CACNA1A: variants seen among roughly 807,000 people sequenced by gnomAD.
CACNA1A encodes the protein calcium voltage-gated channel subunit alpha1 A.
Under a neutral mutation model 262.4 loss-of-function variants are expected in CACNA1A, and 57 were observed. That is an observed-to-expected ratio of 0.22 (90% CI 0.18 to 0.27). The LOEUF (loss-of-function observed/expected upper bound fraction) is 0.27, where lower values mean the gene tolerates loss of function less well. Among genes scored for constraint, CACNA1A ranks in the 10% least tolerant of loss-of-function variants. CACNA1A has a pLI of 1.00. For missense variants in CACNA1A, 2,526 were observed against 3,562.8 expected, an observed-to-expected ratio of 0.71 and a Z score of 7.41; for synonymous variants, 1,431 against 1,419.3, an observed-to-expected ratio of 1.01 and a Z score of -0.18.
At chr19:13,453,624 G>A (rs567223215) in intron 2 of CACNA1A, among the ~76,000 whole-genome samples, 113 of 152,348 alleles carry the variant, frequency 7.4e-4, no homozygotes, top group African/African-American at 2.6e-3. Context: ...TGGCTGATAA[G>A]TGGCCAGTAT....
intron 2 of CACNA1A, 110 bp downstream of exon 2, chr19:13,454,997 T>C: frequency 1.6e-6 from 1 of 623,290 alleles, no homozygotes; most frequent in Non-Finnish European, 2.9e-6. Context: ...TCCCATGATC[T>C]GGCTCTGGGC....
intron 4 of CACNA1A, among the ~76,000 whole-genome samples, chr19:13,367,294 C>CAAAAA (rs71168702): frequency 3.1e-5 from 2 of 64,784 alleles, no homozygotes; most frequent in African/African-American, 7.0e-5. Flanking sequence ...GACTCTGTCT[C>CAAAAA]AAAAAAAAAA....
rs781776419 is a variant in CACNA1A, at chr19:13,212,586, C to G, written c.6050+45G>C. 6.6e-7 allele frequency: 1 copy of G among 1,510,260 alleles called. No individual in the cohort carries two copies. Among genetic ancestry groups the G allele is most frequent in the South Asian group, 1.3e-5 (1 of 76,726 alleles). 93.6% of individuals were successfully genotyped at this position (1,510,260 alleles called of 1,614,324 possible). ...TGGGCAGCTTCCAGAACGTGGGGAC[C>G]ACGGCACCCCCACACTCCACCTCCC... On this transcript the variant is annotated intron_variant, in intron 41 of 46. Coordinates refer to ENST00000360228, the MANE Select transcript of CACNA1A (RefSeq NM_001127222.2). This position sits in a 1 kb window ranked among gnomAD's most constrained non-coding sequence, Gnocchi z 5.6.
In CACNA1A at chr19:13,210,640, G is replaced by T; in HGVS notation, c.6316C>A (p.Arg2106=). 6.4e-7 allele frequency: 1 copy of T among 1,565,044 alleles called. No homozygotes were observed. Among genetic ancestry groups the T allele is most frequent in the Admixed American group, 1.9e-5 (1 of 52,864 alleles). ...ACACTGAGGTTATTCCCACGTGGCC[G>T]GCCCCTTCTCCTCTGTCACAGCCCC... ...LPAENQRRRG[R]PRGNNLSTIS... The change falls in exon 44 of 47, where the codon CGG becomes AGG. Residue 2106 remains arginine (R), a synonymous_variant. Coordinates refer to ENST00000360228, the MANE Select transcript of CACNA1A (RefSeq NM_001127222.2).
chr19:13,313,522 G>GCAA (rs1224291363), intron 11 of CACNA1A, among the ~76,000 whole-genome samples: 3 of 82,600 alleles, frequency 3.6e-5, no homozygotes, highest in Admixed American at 3.6e-4. Flanking sequence ...AAAAAAAAAA[G>GCAA]CAACAATTAT....
chr19:13,207,072 T>G lies in CACNA1A; in HGVS notation c.*241A>C. 7 of 259,738 alleles carry G rather than the reference T, an allele frequency of 2.7e-5. No homozygotes were observed. Among genetic ancestry groups the G allele is most frequent in the South Asian group, 6.1e-5 (1 of 16,470 alleles). The allele number at this position is 259,738 out of a possible 1,614,324, so 16.1% of individuals were successfully genotyped here. A position where few individuals can be genotyped will look rare whatever the true frequency, so the allele number is the denominator to read the frequency against. On this transcript the variant is annotated 3_prime_UTR_variant, in exon 47 of 47. Coordinates refer to ENST00000360228, the MANE Select transcript of CACNA1A (RefSeq NM_001127222.2). This position sits in a 1 kb window ranked among gnomAD's most constrained non-coding sequence, Gnocchi z 5.7. The stretch of plus-strand genomic sequence containing the variant: ...GCCTCCCACCCGAGAGCCCCTGTCG[T>G]GGGTGGGGGGATCGGGGCTGGTTGG...
intron 1 of CACNA1A, among the ~76,000 whole-genome samples, chr19:13,504,812 A>T (rs1023436812): frequency 1.3e-5 from 2 of 151,404 alleles, no homozygotes; most frequent in African/African-American, 4.9e-5. Context: ...CTAATTACCC[A>T]CCCTTGCCTG....
chr19:13,298,457 T>C (rs1236293903), intron 19 of CACNA1A, 87 bp downstream of exon 19: 1 of 1,245,666 alleles, frequency 8.0e-7, no homozygotes. Context: ...TATATTTTTA[T>C]AAACAAATAC....
chr19:13,406,465 TTATATATATATATATATATA>T (rs61273249), intron 3 of CACNA1A, among the ~76,000 whole-genome samples: 435 of 31,550 alleles, frequency 0.014, 14 homozygotes, highest in Admixed American at 0.023. Context: ...AAAAAAAAAA[TTATATATATATATATATATA>T]TATATATATA....
At chr19:13,402,779 CATATATAT>C (rs398071149) in intron 3 of CACNA1A, among the ~76,000 whole-genome samples, 22 of 124,470 alleles carry the variant, frequency 1.8e-4, no homozygotes, top group South Asian at 8.5e-4. Flanking sequence ...CATATATATA[CATATATAT>C]ACATATATAC....
intron 6 of CACNA1A, among the ~76,000 whole-genome samples, chr19:13,351,820 A>T (rs2058915667): frequency 6.6e-6 from 1 of 151,934 alleles, no homozygotes; most frequent in Non-Finnish European, 1.5e-5. Flanking sequence ...TTAAAAAAAA[A>T]AATTTTTTTA....
intron 19 of CACNA1A, among the ~76,000 whole-genome samples, chr19:13,296,080 A>T (rs1040719302): frequency 2.6e-5 from 4 of 152,170 alleles, no homozygotes; most frequent in African/African-American, 9.7e-5. Flanking sequence ...TACATATCAG[A>T]ATTACTTCAC....
intron 45 of CACNA1A, 99 bp downstream of exon 45, chr19:13,209,213 T>C: frequency 1.5e-6 from 2 of 1,369,834 alleles, no homozygotes; most frequent in Non-Finnish European, 9.6e-7. Flanking sequence ...CATGGAGGCC[T>C]CTCCCTTTCT....
rs1375141653 is a variant in CACNA1A, at chr19:13,347,069, T to TTG, written c.979-11161_979-11160insCA. Among the ~76,000 whole-genome samples, 548 of 148,694 alleles carry TTG rather than the reference T, an allele frequency of 3.7e-3. 12 individuals are homozygous for TTG. Among genetic ancestry groups the TTG allele is most frequent in the East Asian group, 0.016 (82 of 5,064 alleles). On this transcript the variant is annotated intron_variant, in intron 6 of 46. Transcript: ENST00000360228. ...AGGTCTGTTTTTTTTGTTTTTTTGT[T>TTG]TTTTTTTTTTGAGACAGTTCTTGCT...
At chr19:13,269,289 C>T (rs1186036649) in intron 24 of CACNA1A, among the ~76,000 whole-genome samples, 1 of 152,210 alleles carries the variant, frequency 6.6e-6, no homozygotes, top group Non-Finnish European at 1.5e-5. Context: ...CCATTATGAC[C>T]ATTTTCCAGA....
At chr19:13,234,641 G>A (rs1273232410) in intron 34 of CACNA1A, among the ~76,000 whole-genome samples, 3 of 152,054 alleles carry the variant, frequency 2.0e-5, no homozygotes, top group Admixed American at 6.6e-5. Context: ...CAGCCTCACG[G>A]GAAAAGAAGG....
intron 45 of CACNA1A, 55 bp downstream of exon 45, chr19:13,209,257 C>T (rs2054710797): frequency 2.1e-6 from 3 of 1,432,140 alleles, no homozygotes; most frequent in South Asian, 3.0e-5. Context: ...CTGCCTTCTC[C>T]TCCCCTCTCC....
chr19:13,240,595 TGTGTGTGCGCAGTGATTGTGTGTGTGCA>T (rs2056045099), intron 31 of CACNA1A, among the ~76,000 whole-genome samples: 1 of 150,860 alleles, frequency 6.6e-6, no homozygotes, highest in Non-Finnish European at 1.5e-5. Flanking sequence ...GTGCAGTGAC[TGTGTGTGCGCAGTGATTGTGTGTGTGCA>T]GTGTGTGTGC....
chr19:13,259,773 AG>A (rs1238599794), intron 26 of CACNA1A, 72 bp from the exon 27 acceptor site: 10 of 1,539,546 alleles, frequency 6.5e-6, no homozygotes, highest in Non-Finnish European at 8.9e-6. Flanking sequence ...TGGTTATCAG[AG>A]ACAGGGGGAG....
Sources: gnomAD v4.1 joint callset for allele counts (sites outside exome capture counted in the v4.1 genomes callset) on GRCh38, gnomAD v4.1.1 for gene constraint, Gnocchi (gnomAD v3.1) non-coding constraint, MANE v1.5 for transcripts, NCBI Gene and HGNC (gene_info 2026-07-23, HGNC 2026-07-21) for gene names.